C1orf141: variants seen among roughly 807,000 people sequenced by gnomAD.
The protein encoded by C1orf141 is chromosome 1 open reading frame 141.
In C1orf141, 19 loss-of-function variants were observed where a neutral mutation model predicts 23.2. The observed-to-expected ratio is 0.82, with a 90% CI of 0.57 to 1.20. C1orf141 has a LOEUF of 1.20. C1orf141 is among the 50% of genes most tolerant of loss of function. The pLI is 0.00. For missense variants in C1orf141, 469 were observed against 455.1 expected, an observed-to-expected ratio of 1.03 and a Z score of -0.28; for synonymous variants, 153 against 154.6, an observed-to-expected ratio of 0.99 and a Z score of 0.08.
chr1:67,113,230 T>C (rs570492616), intron 5 of C1orf141, among the ~76,000 whole-genome samples: 1 of 152,228 alleles, frequency 6.6e-6, no homozygotes, highest in South Asian at 2.1e-4. Context: ...TCTGCCTACC[T>C]TGACCTCCCA....
intron 2 of C1orf141, among the ~76,000 whole-genome samples, chr1:67,128,873 TC>T (rs1646468154): frequency 6.6e-6 from 1 of 152,114 alleles, no homozygotes; most frequent in Non-Finnish European, 1.5e-5. Context: ...TCTTTCCAGC[TC>T]AGAAAAATCT....
At chr1:67,097,328 A>G (rs1645704610) in intron 5 of C1orf141, among the ~76,000 whole-genome samples, 1 of 152,260 alleles carries the variant, frequency 6.6e-6, no homozygotes, top group Non-Finnish European at 1.5e-5. Flanking sequence ...ATGGAAGAAT[A>G]TAAACATAGT....
At chr1:67,131,646 C>T (rs1030598143) in intron 1 of C1orf141, among the ~76,000 whole-genome samples, 1 of 152,118 alleles carries the variant, frequency 6.6e-6, no homozygotes, top group African/African-American at 2.4e-5. Context: ...TTTTCTACCA[C>T]TCTTACTTCC....
intron 1 of C1orf141, among the ~76,000 whole-genome samples, chr1:67,132,916 A>G (rs1646540966): frequency 6.6e-6 from 1 of 152,222 alleles, no homozygotes; most frequent in South Asian, 2.1e-4. Flanking sequence ...GTTTTTAAAG[A>G]ACACAATGAA....
intron 5 of C1orf141, among the ~76,000 whole-genome samples, chr1:67,111,321 C>T (rs1646067124): frequency 6.6e-6 from 1 of 152,084 alleles, no homozygotes; most frequent in Non-Finnish European, 1.5e-5. Context: ...TCTTAACTGA[C>T]TTTATAAGTG....
chr1:67,099,994 T>C (rs1292700441), intron 5 of C1orf141, among the ~76,000 whole-genome samples: 4 of 152,236 alleles, frequency 2.6e-5, no homozygotes, highest in Non-Finnish European at 4.4e-5. Context: ...TTCTGTCATG[T>C]CAGCCTTTTG....
At chr1:67,125,478 T>G (rs1216123781) in intron 4 of C1orf141, among the ~76,000 whole-genome samples, 10 of 152,126 alleles carry the variant, frequency 6.6e-5, no homozygotes, top group Admixed American at 6.5e-4. Flanking sequence ...TGGGTGGATC[T>G]CTTGAGGCCA....
chr1:67,095,492 T>C, intron 6 of C1orf141, 71 bp from the exon 7 acceptor site: 1 of 886,838 alleles, frequency 1.1e-6, no homozygotes, highest in Non-Finnish European at 1.7e-6. Flanking sequence ...GTCTGCCTCC[T>C]TTTATCCCTG....
At chr1:67,136,121 C>T (rs560530683), upstream of C1orf141, among the ~76,000 whole-genome samples, 47 of 152,300 alleles carry the variant, frequency 3.1e-4, no homozygotes, top group African/African-American at 1.1e-3. Flanking sequence ...CAGCCTCAAT[C>T]GCCTGTGCTC....
chr1:67,104,328 T>C (rs944110695), intron 5 of C1orf141, among the ~76,000 whole-genome samples: 12 of 152,122 alleles, frequency 7.9e-5, no homozygotes, highest in African/African-American at 2.9e-4. Flanking sequence ...GGAATGTTCA[T>C]AAGACAGGCA....
chr1:67,099,395 A>C (rs1388071819), intron 5 of C1orf141, among the ~76,000 whole-genome samples: 4 of 152,200 alleles, frequency 2.6e-5, no homozygotes, highest in African/African-American at 9.7e-5. Context: ...AAATAAAGGC[A>C]CTTCAGATAT....
At chr1:67,105,348 A>C (rs1645900708) in intron 5 of C1orf141, among the ~76,000 whole-genome samples, 1 of 150,644 alleles carries the variant, frequency 6.6e-6, no homozygotes, top group South Asian at 2.1e-4. Context: ...AAAAAAAAGA[A>C]TATTTAAACA....
intron 5 of C1orf141, among the ~76,000 whole-genome samples, chr1:67,114,160 A>G (rs1275607266): frequency 6.6e-6 from 1 of 152,170 alleles, no homozygotes; most frequent in African/African-American, 2.4e-5. Flanking sequence ...CCTGGGATCC[A>G]AAAGGGTTAC....
rs937834109 is a variant in C1orf141, at chr1:67,094,482, A to G, written c.603+753T>C. ...TACACCTATGAAGTCTTCAGTTCAG[A>G]GAAAGCAAGCACTGTGAAAAAGTAT... is the stretch of plus-strand genomic sequence containing the variant. On this transcript the variant is annotated intron_variant, in intron 7 of 7. Coordinates refer to ENST00000684719, the MANE Select transcript of C1orf141 (RefSeq NM_001276351.2). The G allele has an allele frequency of 1.1e-4, 16 of 152,250 alleles. No individual in the cohort carries two copies. In the East Asian group the frequency reaches 2.9e-3, roughly 27 times the overall value. The allele number at this position is 152,250 out of a possible 1,614,324, so 9.4% of individuals were successfully genotyped here. A position where few individuals can be genotyped will look rare whatever the true frequency, so the allele number is the denominator to read the frequency against.
At chr1:67,108,103 T>A (rs1485315292) in intron 5 of C1orf141, among the ~76,000 whole-genome samples, 10 of 152,300 alleles carry the variant, frequency 6.6e-5, no homozygotes, top group African/African-American at 2.2e-4. Context: ...TCTTCATTCT[T>A]AAATATCACA....
chr1:67,120,398 A>T (rs949913126), intron 4 of C1orf141, among the ~76,000 whole-genome samples: 7 of 152,166 alleles, frequency 4.6e-5, no homozygotes, highest in Non-Finnish European at 7.3e-5. Context: ...TTTTGGATCT[A>T]TTGGGATGGG....
intron 2 of C1orf141, among the ~76,000 whole-genome samples, chr1:67,128,132 T>C (rs1646451401): frequency 6.6e-6 from 1 of 152,132 alleles, no homozygotes; most frequent in Non-Finnish European, 1.5e-5. Context: ...CCCATTGCCA[T>C]AATGGTTCAT....
chr1:67,105,870 C>T (rs1570692826), intron 5 of C1orf141, among the ~76,000 whole-genome samples: 2 of 152,184 alleles, frequency 1.3e-5, no homozygotes, highest in Non-Finnish European at 1.5e-5. Flanking sequence ...TGTTTCTGGC[C>T]AGAAGAACCA....
In C1orf141 at chr1:67,113,321, G is replaced by A. The variant is rs542061022; in HGVS notation, c.346+2031C>T. Among the ~76,000 whole-genome samples the A allele has an allele frequency of 2.0e-5, 3 of 152,114 alleles. No homozygotes were observed. In the East Asian group the frequency reaches 5.8e-4, roughly 30 times the overall value. ...TGAAGGCCAGGGAGGTAGGGAATGA[G>A]GCTGAATACACACACAAGGTTCACA... is the stretch of plus-strand genomic sequence containing the variant. On this transcript the variant is annotated intron_variant, in intron 5 of 7. Coordinates refer to ENST00000684719, the MANE Select transcript of C1orf141 (RefSeq NM_001276351.2).
Sources: allele counts gnomAD v4.1 joint callset (sites outside exome capture counted in the v4.1 genomes callset), GRCh38; gene constraint gnomAD v4.1.1; transcripts MANE v1.5; gene names NCBI Gene and HGNC (gene_info 2026-07-23, HGNC 2026-07-21).